KRT78: variants seen among roughly 807,000 people sequenced by gnomAD.
KRT78 encodes the protein keratin, type II cytoskeletal 78.
A neutral mutation model predicts 51.4 loss-of-function variants in KRT78; 55 were observed. The ratio of observed to expected loss-of-function variants is 1.07; its 90% confidence interval spans 0.86 to 1.34. The LOEUF (loss-of-function observed/expected upper bound fraction) is 1.34. KRT78 is among the 40% of genes most tolerant of loss of function. The pLI, the probability that KRT78 is intolerant of heterozygous loss-of-function variation, is 0.00. For synonymous variants in KRT78, 291 were observed against 264.3 expected (o/e 1.10, Z -0.98); for missense variants, 652 against 649.4 (o/e 1.00, Z -0.04).
At chr12:52,840,258 A>C (rs925439036) in intron 6 of KRT78, among the ~76,000 whole-genome samples, 4 of 152,128 alleles carry the variant, frequency 2.6e-5, no homozygotes, top group Non-Finnish European at 4.4e-5. Flanking sequence ...ATGTGATCTT[A>C]TTGGAAGTAG....
In KRT78 at chr12:52,846,748, T is replaced by C. The variant is rs1408140173; in HGVS notation, c.660+16A>G. 1.2e-6 allele frequency: 2 copies of C among 1,611,086 alleles called. No homozygotes were observed. The highest frequency in any genetic ancestry group is 1.7e-5 in the Admixed American group (1 of 59,876). On this transcript the variant is annotated intron_variant, in intron 3 of 8. Coordinates refer to ENST00000304620, the MANE Select transcript of KRT78 (RefSeq NM_173352.4). Reference sequence around the variant, plus strand: ...GATGCTCAGAACGTAAGTGGAGCACTGGCCCCCACCCTCACCTTCTTGAGG... The same window carrying C: ...GATGCTCAGAACGTAAGTGGAGCACCGGCCCCCACCCTCACCTTCTTGAGG...
rs1343797084 is a variant in KRT78 at position 52,848,796 on chromosome 12, C to G, written c.135G>C (p.Gly45=). 1 of 1,613,460 alleles carries G rather than the reference C, an allele frequency of 6.2e-7. No homozygotes were observed. Among genetic ancestry groups the G allele is most frequent in the East Asian group, 2.2e-5 (1 of 44,864 alleles). The part of the protein sequence containing the change: ...GFSSRSLNSF[G]GCLEGSRGST... ...TCCCACGAGAGCCTTCCAGGCACCC[C>G]CCAAAGGAATTAAGGCTCCTGCTGC... Residue 45 remains glycine (G), a synonymous_variant, in exon 1 of 9, where the codon GGG becomes GGC. Coordinates refer to ENST00000304620, the MANE Select transcript of KRT78 (RefSeq NM_173352.4).
rs200710984 is a variant in KRT78 at position 52,847,935 on chromosome 12, G to A, written c.571C>T (p.Arg191Trp). 5.3e-5 allele frequency: 85 copies of A among 1,614,008 alleles called. No homozygotes were observed. The highest frequency in any genetic ancestry group is 5.5e-5 in the Non-Finnish European group (65 of 1,180,010). Residue 191 changes from arginine (R) to tryptophan (W), a missense_variant, in exon 2 of 9, where the codon CGG (arginine) becomes TGG (tryptophan). Coordinates refer to ENST00000304620, the MANE Select transcript of KRT78 (RefSeq NM_173352.4). ...GACTTATACTCCTCCTCCTGGTCCC[G>A]GCAGGCCTTCAACTCAGCATCCAGA... ...GALDAELKAC[R>W]DQEEEYKSKY...
At chr12:52,843,720 AAAGAAAAGGAAAAGAT>A (rs1317965027) in intron 6 of KRT78, among the ~76,000 whole-genome samples, 1 of 151,950 alleles carries the variant, frequency 6.6e-6, no homozygotes, top group Non-Finnish European at 1.5e-5. Context: ...AAGAAAAAGA[AAAGAAAAGGAAAAGAT>A]AAGAAAAGAG....
At chr12:52,844,897 G>T (rs1419368766) in intron 4 of KRT78, among the ~76,000 whole-genome samples, 174 bp from the exon 5 acceptor site, 1 of 152,114 alleles carries the variant, frequency 6.6e-6, no homozygotes, top group East Asian at 1.9e-4. Flanking sequence ...ATTCAAAAAT[G>T]AGAGCCATAG....
In KRT78 at chr12:52,844,609, C is replaced by G; in HGVS notation, c.871G>C (p.Glu291Gln). The G allele has an allele frequency of 6.2e-7, 1 of 1,614,178 alleles. No homozygotes were observed. The highest frequency in any genetic ancestry group is 8.5e-7 in the Non-Finnish European group (1 of 1,180,024). Residue 291 changes from glutamate to glutamine, a missense_variant, in exon 5 of 9, where the codon GAG becomes CAG. Glu to Gln is a conservative substitution (Grantham distance 29, BLOSUM62 2). Coordinates refer to ENST00000304620, the MANE Select transcript of KRT78 (RefSeq NM_173352.4). ...IITEVRARYE[E>Q]IARSSKAEAE... ...TCAGCCTTGCTGCTCCGGGCGATCT[C>G]CTCGTACCGGGCGCGGACCTCAGTG...
chr12:52,845,204 A>G (rs938299699), intron 4 of KRT78, among the ~76,000 whole-genome samples: 2 of 151,748 alleles, frequency 1.3e-5, no homozygotes, highest in African/African-American at 4.8e-5. Flanking sequence ...TTGTAGCGAC[A>G]GCGTTTCACT....
intron 6 of KRT78, 128 bp from the exon 7 acceptor site, chr12:52,840,112 G>T: frequency 1.5e-6 from 1 of 664,656 alleles, no homozygotes; most frequent in South Asian, 1.9e-5. Context: ...ATTATCCATG[G>T]CCGTCTGTAC....
Position 52,848,691 on chromosome 12 carries a change from C to T in KRT78, c.240G>A (p.Pro80=), listed in dbSNP as rs111620175. Residue 80 remains proline, a synonymous_variant, in exon 1 of 9, where the codon CCG becomes CCA. Coordinates refer to ENST00000304620, the MANE Select transcript of KRT78 (RefSeq NM_173352.4). ...SGGPGLSLCP[P]GGIQEVTINQ... ...TGATGGTCACTTCTTGGATGCCCCC[C>T]GGAGGGCACAGGGAGAGCCCAGGCC... 3,944 of 1,613,230 alleles carry T rather than the reference C, an allele frequency of 2.4e-3. 88 individuals are homozygous for T. In the African/African-American group the frequency reaches 0.047, roughly 19 times the overall value.
intron 4 of KRT78, chr12:52,845,859 C>T (rs1940627733): frequency 4.1e-6 from 1 of 243,162 alleles, no homozygotes. Context: ...GAAGCTGAGG[C>T]AGAGAATTGC....
intron 6 of KRT78, among the ~76,000 whole-genome samples, chr12:52,842,305 T>C (rs1256152859): frequency 2.0e-5 from 3 of 152,138 alleles, no homozygotes; most frequent in African/African-American, 7.2e-5. Context: ...GACACCCAAA[T>C]TGATATTTTG....
intron 8 of KRT78, 28 bp downstream of exon 8, chr12:52,839,425 C>T (rs796190627): frequency 1.9e-6 from 3 of 1,610,536 alleles, no homozygotes; most frequent in African/African-American, 2.7e-5. Flanking sequence ...CCATGGGGAT[C>T]CCATCCCTAA....
At chr12:52,841,169 T>A (rs1399950622) in intron 6 of KRT78, among the ~76,000 whole-genome samples, 7 of 152,116 alleles carry the variant, frequency 4.6e-5, no homozygotes, top group Admixed American at 4.6e-4. Context: ...TCAAAACATA[T>A]GCCTCAATTT....
intron 6 of KRT78, among the ~76,000 whole-genome samples, chr12:52,843,372 A>G (rs577164365): frequency 6.9e-4 from 90 of 130,058 alleles, no homozygotes; most frequent in African/African-American, 1.0e-3. Flanking sequence ...TCTCAAAAAA[A>G]AGAGAGAGAG....
At chr12:52,842,959 G>GAGAGAGAGAGAGAA (rs1299063277) in intron 6 of KRT78, among the ~76,000 whole-genome samples, 8 of 53,758 alleles carry the variant, frequency 1.5e-4, no homozygotes, top group African/African-American at 5.8e-4. Context: ...GAGAGAGAGA[G>GAGAGAGAGAGAGAA]AGGAAGGAAG....
chr12:52,843,035 AGGG>A (rs1940548984), intron 6 of KRT78, among the ~76,000 whole-genome samples: 2 of 32,948 alleles, frequency 6.1e-5, no homozygotes, highest in Non-Finnish European at 5.6e-5. Context: ...GGAGGGAGGG[AGGG>A]AGGGAGGGAA....
intron 6 of KRT78, 43 bp downstream of exon 6, chr12:52,844,050 A>G (rs1357934317): frequency 6.2e-7 from 1 of 1,606,524 alleles, no homozygotes; most frequent in Admixed American, 1.7e-5. Context: ...AGTTGAAGGC[A>G]CAAAGGCAAT....
At chr12:52,846,152 C>T (rs751596699) in intron 4 of KRT78, 45 bp downstream of exon 4, 1 of 1,385,964 alleles carries the variant, frequency 7.2e-7, no homozygotes, top group African/African-American at 1.4e-5. Flanking sequence ...CCTGCCCACC[C>T]AGTCCTCTCT....
Position 52,844,213 on chromosome 12 carries a change from C to T in KRT78, c.927G>A (p.Gln309=). ...EAEALYQTKY[Q]ELQVSAQLHG... is the part of the protein sequence containing the mutation. Reference sequence around the variant, plus strand: ...GAAGCTGGGCAGACACCTGAAGTTCCTGGTACTGAGAGGGGAACAGAGGGG... The same window carrying T: ...GAAGCTGGGCAGACACCTGAAGTTCTTGGTACTGAGAGGGGAACAGAGGGG... Residue 309 remains glutamine (Q), a synonymous_variant, in exon 6 of 9, where the codon CAG becomes CAA. Coordinates refer to ENST00000304620, the MANE Select transcript of KRT78 (RefSeq NM_173352.4). 6.3e-7 allele frequency: 1 copy of T among 1,599,096 alleles called. No homozygotes were observed. Among genetic ancestry groups the T allele is most frequent in the Non-Finnish European group, 8.5e-7 (1 of 1,176,024 alleles).
Sources: gnomAD v4.1 joint callset for allele counts (sites outside exome capture counted in the v4.1 genomes callset) on GRCh38, gnomAD v4.1.1 for gene constraint, MANE v1.5 for transcripts, NCBI Gene and HGNC (gene_info 2026-07-23, HGNC 2026-07-21) for gene names.